The following RAB11FIP3 variants were observed in gnomAD, a reference collection of about 807,000 sequenced individuals.
RAB11FIP3 encodes the protein RAB11 family interacting protein 3.
RAB11FIP3 carries 17 observed loss-of-function variants against 77.8 expected under a neutral mutation model. The ratio of observed to expected loss-of-function variants is 0.22; its 90% CI spans 0.15 to 0.33. RAB11FIP3 has a LOEUF of 0.33. Ranked by LOEUF, RAB11FIP3 falls within the 10% of genes least tolerant of loss-of-function variation. The probability of loss-of-function intolerance (pLI) is 1.00; values close to 1 mark genes in which losing one functional copy is unlikely to be tolerated. For missense variants in RAB11FIP3, 1,005 were observed against 1,011.2 expected (o/e 0.99, Z 0.08); for synonymous variants, 437 against 448.2 (o/e 0.98, Z 0.31).
Position 505,131 on chromosome 16 carries a change from G to A in RAB11FIP3, c.1396-393G>A, listed in dbSNP as rs988922069. Among the ~76,000 whole-genome samples the A allele has an allele frequency of 2.0e-4, 31 of 151,408 alleles. No homozygotes were observed. Among genetic ancestry groups the A allele is most frequent in the Admixed American group, 9.9e-4 (15 of 15,172 alleles). ...GTGAACTCTCTGAGGGAGGGACCGA[G>A]ACATGGATCTGTCTGTCCCTTGCAT... On this transcript the variant is annotated intron_variant, in intron 7 of 13. Coordinates refer to ENST00000262305, the MANE Select transcript of RAB11FIP3 (RefSeq NM_014700.4). This position sits in a 1 kb window ranked among gnomAD's most constrained non-coding sequence, Gnocchi z 4.0.
rs199754721 is a variant in RAB11FIP3 at position 519,796 on chromosome 16, C to T, written c.1765C>T (p.Arg589Trp). 38 of 1,610,322 alleles carry T rather than the reference C, an allele frequency of 2.4e-5. No individual in the cohort carries two copies. The highest frequency in any genetic ancestry group is 4.5e-5 in the East Asian group (2 of 44,784). Residue 589 changes from arginine (R) to tryptophan (W), a missense_variant, in exon 11 of 14, where the codon CGG becomes TGG. By Grantham distance (101) the Arg-to-Trp change is moderately radical. Transcript: ENST00000262305. The part of the protein sequence containing the change: ...LLDEIESLTL[R>W]LSEEQENKRR... Reference sequence around the variant, plus strand: ...GGATGAGATAGAGTCGCTGACGCTGCGGCTCAGTGAAGAGCAGGAGAACAA... The same window carrying T: ...GGATGAGATAGAGTCGCTGACGCTGTGGCTCAGTGAAGAGCAGGAGAACAA...
chr16:460,135 T>C (rs1173704062), intron 1 of RAB11FIP3, among the ~76,000 whole-genome samples: 2 of 152,120 alleles, frequency 1.3e-5, no homozygotes, highest in African/African-American at 4.8e-5. Flanking sequence ...CCTCGGTTTC[T>C]CACAGTGCTG....
rs1405129996 is a variant in RAB11FIP3 at position 437,488 on chromosome 16, T to TG, written c.714+10769dup. Among the ~76,000 whole-genome samples the TG allele has an allele frequency of 1.3e-5, 2 of 148,540 alleles. 1 individual carries two copies. The highest frequency in any genetic ancestry group is 4.0e-4 in the East Asian group (2 of 5,038). Reference sequence around the variant, plus strand: ...AGGAGGCTGAGGCAGGAGAATCACTTGAACCTGGGAGGCGGAGGTTGCAGT... The same window carrying TG: ...AGGAGGCTGAGGCAGGAGAATCACTTGGAACCTGGGAGGCGGAGGTTGCAGT... On this transcript the variant is annotated intron_variant, in intron 1 of 13. Coordinates refer to ENST00000262305, the MANE Select transcript of RAB11FIP3 (RefSeq NM_014700.4).
chr16:488,431 C>T (rs560334672), intron 4 of RAB11FIP3, among the ~76,000 whole-genome samples: 58 of 151,126 alleles, frequency 3.8e-4, no homozygotes, highest in Non-Finnish European at 7.4e-4. Context: ...TTTTTTGAGA[C>T]AGGGCCTTGC....
intron 9 of RAB11FIP3, among the ~76,000 whole-genome samples, chr16:515,215 A>G (rs2032344583): frequency 6.6e-6 from 1 of 152,240 alleles, no homozygotes; most frequent in Admixed American, 6.5e-5. Context: ...TTGAAATTCA[A>G]TAGAATTAAA....
chr16:436,492 T>C (rs2055130478), intron 1 of RAB11FIP3, among the ~76,000 whole-genome samples: 1 of 151,990 alleles, frequency 6.6e-6, no homozygotes, highest in African/African-American at 2.4e-5. Context: ...ATTTGTTTAT[T>C]TATTTTTGAG....
Position 518,900 on chromosome 16 carries a change from C to T in RAB11FIP3, c.1641-43C>T, listed in dbSNP as rs116440260. 9.8e-4 allele frequency: 1,572 copies of T among 1,603,116 alleles called. 15 individuals are homozygous for T. In the African/African-American group the frequency reaches 0.018, roughly 19 times the overall value. The stretch of plus-strand genomic sequence containing the variant: ...ACAGGGCACACTGGCCCTGTAGAGG[C>T]GAGCTTCCTGGAGTGAGTTTCAGCT... On this transcript the variant is annotated intron_variant, in intron 9 of 13. Coordinates refer to ENST00000262305, the MANE Select transcript of RAB11FIP3 (RefSeq NM_014700.4).
intron 3 of RAB11FIP3, chr16:475,189 G>A: frequency 7.2e-7 from 1 of 1,379,492 alleles, no homozygotes; most frequent in Non-Finnish European, 9.5e-7. Flanking sequence ...GACGGGGACA[G>A]TGTTGGCCCC....
At chr16:459,397 A>C (rs1419638974) in intron 1 of RAB11FIP3, among the ~76,000 whole-genome samples, 2 of 142,612 alleles carry the variant, frequency 1.4e-5, no homozygotes, top group African/African-American at 5.2e-5. Context: ...AAGTGCTGGG[A>C]TTATAGGCGT....
chr16:512,733 G>T (rs1049923037), intron 9 of RAB11FIP3, among the ~76,000 whole-genome samples: 1 of 150,776 alleles, frequency 6.6e-6, no homozygotes, highest in Non-Finnish European at 1.5e-5. Context: ...TAGCAGAGAC[G>T]GGTTTCACCA....
intron 9 of RAB11FIP3, among the ~76,000 whole-genome samples, chr16:512,319 C>A (rs2032216804): frequency 6.6e-6 from 1 of 151,988 alleles, no homozygotes; most frequent in South Asian, 2.1e-4. Flanking sequence ...CGGCTCACTG[C>A]AAGCTCTGCC....
intron 6 of RAB11FIP3, 119 bp from the exon 7 acceptor site, chr16:502,885 G>C (rs757787909): frequency 2.8e-4 from 226 of 804,102 alleles, no homozygotes; most frequent in Admixed American, 9.5e-4. Context: ...ATCAGGGGAG[G>C]ACCTGTCCCC....
intron 3 of RAB11FIP3, among the ~76,000 whole-genome samples, chr16:474,120 A>T (rs2055857587): frequency 1.4e-5 from 2 of 146,104 alleles, no homozygotes; most frequent in South Asian, 2.2e-4. Context: ...ATGTCATCTT[A>T]AAAAAAAAAA....
chr16:441,033 C>T (rs1212158082), intron 1 of RAB11FIP3, among the ~76,000 whole-genome samples: 1 of 152,096 alleles, frequency 6.6e-6, no homozygotes, highest in Non-Finnish European at 1.5e-5. Context: ...CTCCAGCTCC[C>T]AGGTTCAAGC....
chr16:462,232 T>C (rs1270732869), intron 2 of RAB11FIP3, among the ~76,000 whole-genome samples: 3 of 152,172 alleles, frequency 2.0e-5, no homozygotes, highest in Non-Finnish European at 4.4e-5. Context: ...CTCTCTTTTT[T>C]TTCTTTGAGA....
intron 1 of RAB11FIP3, among the ~76,000 whole-genome samples, chr16:438,741 G>C (rs1158303956): frequency 6.7e-6 from 1 of 150,226 alleles, no homozygotes; most frequent in African/African-American, 2.5e-5. Flanking sequence ...CCAGGCTGGA[G>C]TGCGGTGGCG....
intron 5 of RAB11FIP3, among the ~76,000 whole-genome samples, chr16:493,821 G>A (rs185913228): frequency 8.2e-5 from 12 of 146,776 alleles, no homozygotes; most frequent in South Asian, 4.7e-4. Flanking sequence ...CTCAATCTCC[G>A]GACCTCGTGA....
rs111413651 is a variant in RAB11FIP3, at chr16:464,522, G to T, written c.808+3025G>T. On this transcript the variant is annotated intron_variant, in intron 2 of 13. Transcript: ENST00000262305. Reference sequence around the variant, plus strand: ...CATGGCAGCTGTGCCCATGACCCTCGGGATGAGTTTGTTCTCTAACTGATT... The same window carrying T: ...CATGGCAGCTGTGCCCATGACCCTCTGGATGAGTTTGTTCTCTAACTGATT... Among the ~76,000 whole-genome samples the T allele has an allele frequency of 6.6e-3, 1,000 of 152,246 alleles. 6 individuals carry two copies. Among genetic ancestry groups the T allele is most frequent in the Middle Eastern group, 0.017 (5 of 294 alleles).
chr16:448,738 G>GAAAAAAAA (rs34545276), intron 1 of RAB11FIP3, among the ~76,000 whole-genome samples: 16 of 88,118 alleles, frequency 1.8e-4, no homozygotes, highest in Admixed American at 2.9e-4. Context: ...TCCGTCTCAA[G>GAAAAAAAA]AAAAAAAAAA....
Sources: gnomAD v4.1 joint callset for allele counts (sites outside exome capture counted in the v4.1 genomes callset) on GRCh38, gnomAD v4.1.1 for gene constraint, Gnocchi (gnomAD v3.1) non-coding constraint, MANE v1.5 for transcripts, NCBI Gene and HGNC (gene_info 2026-07-23, HGNC 2026-07-21) for gene names.